ROBO2: variants seen among roughly 807,000 people sequenced by gnomAD.
ROBO2 encodes roundabout homolog 2.
In ROBO2, 53 loss-of-function variants were observed where a neutral mutation model predicts 160.8. The ratio of observed to expected loss-of-function variants is 0.33; its 90% CI spans 0.26 to 0.41. ROBO2 has a LOEUF of 0.41. Ranked by LOEUF, ROBO2 falls within the 10% of genes least tolerant of loss-of-function variation. The pLI is 1.00. For synonymous variants in ROBO2, 664 were observed against 611.7 expected, an observed-to-expected ratio of 1.09 and a Z score of -1.26; for missense variants, 1,577 against 1,722.4, an observed-to-expected ratio of 0.92 and a Z score of 1.49.
intron 2 of ROBO2, among the ~76,000 whole-genome samples, chr3:77,373,881 A>T (rs1417640383): frequency 6.6e-6 from 1 of 151,750 alleles, no homozygotes; most frequent in South Asian, 2.1e-4. Context: ...AAAAAAAAAA[A>T]AAAATGTTGG....
At chr3:76,392,303 T>C (rs2077193064) in intron 2 of ROBO2, among the ~76,000 whole-genome samples, 1 of 152,146 alleles carries the variant, frequency 6.6e-6, no homozygotes, top group Non-Finnish European at 1.5e-5. Context: ...TTTTCAGTGT[T>C]TTTTACAGCC....
chr3:76,016,948 G>C (rs1280942997), intron 2 of ROBO2, among the ~76,000 whole-genome samples: 1 of 152,136 alleles, frequency 6.6e-6, no homozygotes, highest in African/African-American at 2.4e-5. Flanking sequence ...AGTGTGTGAG[G>C]CACTTTGTAT....
In ROBO2 at chr3:76,585,328, A is replaced by G. The variant is rs531439652; in HGVS notation, c.110-512686A>G. On this transcript the variant is annotated intron_variant, in intron 2 of 26. Coordinates refer to the ROBO2 transcript ENST00000487694. ...TTTTGATTGTGGATTTCAATGCCAC[A>G]TTAACATGAAAAATATTGATTTCAT... Among the ~76,000 whole-genome samples the G allele has an allele frequency of 1.1e-4, 17 of 152,364 alleles. No individual in the cohort carries two copies. The South Asian group carries it at 3.5e-3, about 32-fold the overall frequency.
At chr3:76,053,563 T>A (rs1355537252) in intron 2 of ROBO2, among the ~76,000 whole-genome samples, 1 of 152,084 alleles carries the variant, frequency 6.6e-6, no homozygotes, top group Non-Finnish European at 1.5e-5. Context: ...ATTTAAACAA[T>A]TATTTCATAT....
rs567009634 is a variant in ROBO2 at position 77,017,588 on chromosome 3, A to G, written c.110-80426A>G. On this transcript the variant is annotated intron_variant, in intron 2 of 26. Coordinates refer to the ROBO2 transcript ENST00000487694. The stretch of plus-strand genomic sequence containing the variant: ...CTCCTTATCACAAGAAAAGACTTCT[A>G]GGGCTCTTATGTAAATAATTTCTTT... Among the ~76,000 whole-genome samples the G allele has an allele frequency of 2.0e-5, 3 of 152,314 alleles. No homozygotes were observed. In the East Asian group the frequency reaches 5.8e-4, roughly 29 times the overall value.
chr3:76,457,073 T>C (rs1415022586), intron 2 of ROBO2, among the ~76,000 whole-genome samples: 1 of 152,126 alleles, frequency 6.6e-6, no homozygotes, highest in Non-Finnish European at 1.5e-5. Flanking sequence ...CCCTGGCCCA[T>C]CCAAATCTCA....
chr3:76,848,864 C>T (rs2069040643), intron 2 of ROBO2, among the ~76,000 whole-genome samples: 1 of 152,200 alleles, frequency 6.6e-6, no homozygotes, highest in Non-Finnish European at 1.5e-5. Context: ...CACAAACATT[C>T]TGTCCATAGC....
chr3:75,919,659 C>A (rs1208733994), intron 1 of ROBO2, among the ~76,000 whole-genome samples: 1 of 152,136 alleles, frequency 6.6e-6, no homozygotes, highest in Non-Finnish European at 1.5e-5. Context: ...GTGAATACAT[C>A]TGGTCCTGGG....
chr3:76,324,172 G>A (rs764679323), intron 2 of ROBO2, among the ~76,000 whole-genome samples: 3 of 152,082 alleles, frequency 2.0e-5, no homozygotes, highest in Admixed American at 1.3e-4. Flanking sequence ...AGAAATTGTA[G>A]GATGAAACGG....
intron 2 of ROBO2, among the ~76,000 whole-genome samples, chr3:76,066,010 G>T (rs561773351): frequency 4.9e-4 from 73 of 149,670 alleles, no homozygotes; most frequent in African/African-American, 1.5e-3. Context: ...TTTGCTTTGT[G>T]TTCCAAGAAT....
At chr3:76,379,516 T>C (rs2076515910) in intron 2 of ROBO2, among the ~76,000 whole-genome samples, 1 of 152,188 alleles carries the variant, frequency 6.6e-6, no homozygotes, top group Admixed American at 6.5e-5. Context: ...GTAGTGTCTC[T>C]GACACATTCA....
chr3:77,516,035 T>C (rs7641269), intron 5 of ROBO2, among the ~76,000 whole-genome samples: 120,373 of 151,464 alleles, frequency 0.79, 48,609 homozygotes, highest in African/African-American at 0.94. Context: ...AGGCTCCATA[T>C]GTTCTCTTTT....
At chr3:75,928,117 T>C (rs186102671) in intron 1 of ROBO2, among the ~76,000 whole-genome samples, 363 of 151,820 alleles carry the variant, frequency 2.4e-3, no homozygotes, top group Non-Finnish European at 4.4e-3. Context: ...CCCGAGTAGC[T>C]GGGATTACAG....
intron 21 of ROBO2, among the ~76,000 whole-genome samples, chr3:77,613,525 A>T (rs1206593620): frequency 6.6e-6 from 1 of 152,184 alleles, no homozygotes; most frequent in Non-Finnish European, 1.5e-5. Flanking sequence ...TCATATTGAA[A>T]ATAGATAGTT....
At chr3:76,499,795 C>T (rs1325321587) in intron 2 of ROBO2, among the ~76,000 whole-genome samples, 1 of 151,724 alleles carries the variant, frequency 6.6e-6, no homozygotes. Context: ...ATGTCATCTC[C>T]AAAAATCCCC....
At chr3:75,960,931 T>C (rs1948888223) in intron 2 of ROBO2, among the ~76,000 whole-genome samples, 1 of 151,734 alleles carries the variant, frequency 6.6e-6, no homozygotes, top group African/African-American at 2.4e-5. Flanking sequence ...AACATATACT[T>C]AACTATCATT....
At chr3:76,184,886 C>G (rs766625519) in intron 2 of ROBO2, among the ~76,000 whole-genome samples, 10 of 151,852 alleles carry the variant, frequency 6.6e-5, no homozygotes, top group Non-Finnish European at 1.2e-4. Flanking sequence ...GACATATTTG[C>G]CTTTTTTTCT....
chr3:77,308,127 C>G (rs945963737), intron 2 of ROBO2, among the ~76,000 whole-genome samples: 1 of 147,904 alleles, frequency 6.8e-6, no homozygotes, highest in East Asian at 2.0e-4. Flanking sequence ...TGCTTTTATA[C>G]AAAGTCTACA....
chr3:76,984,856 A>G (rs2060286894), intron 2 of ROBO2, among the ~76,000 whole-genome samples: 1 of 152,076 alleles, frequency 6.6e-6, no homozygotes, highest in Non-Finnish European at 1.5e-5. Context: ...AATTACATAT[A>G]CTTTTATTAT....
Sources: allele counts gnomAD v4.1 joint callset (sites outside exome capture counted in the v4.1 genomes callset), GRCh38; gene constraint gnomAD v4.1.1; transcripts MANE v1.5; gene names NCBI Gene and HGNC (gene_info 2026-07-23, HGNC 2026-07-21).